CLEC16A: variants seen among roughly 807,000 people sequenced by gnomAD.
CLEC16A encodes the protein C-type lectin domain containing 16A.
In CLEC16A, 51 loss-of-function variants were observed where a neutral mutation model predicts 109.5. The ratio of observed to expected loss-of-function variants is 0.47; its 90% CI spans 0.37 to 0.59. The LOEUF is 0.59. Among genes scored for constraint, CLEC16A ranks in the 20% least tolerant of loss-of-function variants. The pLI is 0.00. For synonymous variants in CLEC16A, 673 were observed against 564.2 expected (o/e 1.19, Z -2.73); for missense variants, 1,339 against 1,394.0 (o/e 0.96, Z 0.63).
chr16:11,075,400 GTGTGTGTGTGTCTGTGTGTGTGTGTGTA>G (rs1197806031), intron 19 of CLEC16A, among the ~76,000 whole-genome samples: 1 of 136,168 alleles, frequency 7.3e-6, no homozygotes, highest in Non-Finnish European at 1.6e-5. Flanking sequence ...GTGTGTGTGT[GTGTGTGTGTGTCTGTGTGTGTGTGTGTA>G]TGTGTGTGTG....
chr16:10,974,788 G>GA (rs1440153335), intron 7 of CLEC16A, among the ~76,000 whole-genome samples: 1 of 152,214 alleles, frequency 6.6e-6, no homozygotes, highest in African/African-American at 2.4e-5. Context: ...CTTAACTATA[G>GA]AAAGAACAAA....
intron 18 of CLEC16A, among the ~76,000 whole-genome samples, chr16:11,055,114 C>G (rs541338852): frequency 1.3e-5 from 2 of 152,296 alleles, no homozygotes; most frequent in East Asian, 1.9e-4. Context: ...GTGCCAAATA[C>G]TGTGTTAGCC....
intron 10 of CLEC16A, among the ~76,000 whole-genome samples, chr16:10,992,039 G>T (rs2044047802): frequency 6.6e-6 from 1 of 152,194 alleles, no homozygotes; most frequent in Non-Finnish European, 1.5e-5. Context: ...GCCTGAAATT[G>T]ATTGCCTGCT....
intron 19 of CLEC16A, among the ~76,000 whole-genome samples, chr16:11,113,447 C>T (rs908605828): frequency 3.3e-5 from 5 of 152,166 alleles, no homozygotes; most frequent in African/African-American, 9.7e-5. Context: ...ATCCCTTGAG[C>T]CAGCAGTTCG....
Position 11,106,004 on chromosome 16 carries a change from G to T in CLEC16A, c.2117-14611G>T, listed in dbSNP as rs149735621. Among the ~76,000 whole-genome samples, 1,241 of 152,144 alleles carry T rather than the reference G, an allele frequency of 8.2e-3. 20 individuals carry two copies. Among genetic ancestry groups the T allele is most frequent in the African/African-American group, 0.028 (1,181 of 41,510 alleles). On this transcript the variant is annotated intron_variant, in intron 19 of 23. Coordinates refer to ENST00000409790, the MANE Select transcript of CLEC16A (RefSeq NM_015226.3). The stretch of plus-strand genomic sequence containing the variant: ...ATTCAAATCCTTGCTATTCAACTTG[G>T]GAACAAAATGGATCTTCACAATGAT...
chr16:11,044,096 C>T, intron 16 of CLEC16A, 24 bp downstream of exon 16: 1 of 1,597,038 alleles, frequency 6.3e-7, no homozygotes. Flanking sequence ...CACAGATGGA[C>T]AGCAGCATGG....
At position 10,956,436 on chromosome 16, in the gene CLEC16A, C is replaced by G. The variant is rs796438744; in HGVS notation, c.81-1346C>G. Among the ~76,000 whole-genome samples the G allele has an allele frequency of 3.9e-5, 6 of 152,250 alleles. No individual in the cohort carries two copies. In the South Asian group the frequency reaches 8.3e-4, roughly 21 times the overall value. On this transcript the variant is annotated intron_variant, in intron 1 of 23. Transcript: ENST00000409790. ...TCCTTGCTCTCACCAGACCCCCAGCCCTGAAAACTGAAGTTAGCCATAAAA... is the reference window on the plus strand; with the variant it reads ...TCCTTGCTCTCACCAGACCCCCAGCGCTGAAAACTGAAGTTAGCCATAAAA...
intron 23 of CLEC16A, among the ~76,000 whole-genome samples, chr16:11,167,267 G>A (rs926061613): frequency 6.6e-6 from 1 of 152,170 alleles, no homozygotes; most frequent in Non-Finnish European, 1.5e-5. Flanking sequence ...AGCATCCATG[G>A]CCTTGAGCCA....
chr16:11,172,182 A>T (rs1332616859), intron 23 of CLEC16A, among the ~76,000 whole-genome samples: 2 of 152,176 alleles, frequency 1.3e-5, no homozygotes, highest in African/African-American at 4.8e-5. Context: ...ATACAAATGG[A>T]CTTACATAGT....
chr16:10,975,147 A>G (rs1055924474), intron 7 of CLEC16A, among the ~76,000 whole-genome samples: 4 of 152,114 alleles, frequency 2.6e-5, no homozygotes, highest in Non-Finnish European at 5.9e-5. Flanking sequence ...GTTGAAGACC[A>G]GCCTGGCCCC....
chr16:11,098,660 C>T (rs771744010), intron 19 of CLEC16A, among the ~76,000 whole-genome samples: 6 of 152,232 alleles, frequency 3.9e-5, no homozygotes, highest in Non-Finnish European at 7.3e-5. Flanking sequence ...GTCCCAGTAC[C>T]GGGTGCCCCA....
chr16:11,169,399 A>C (rs1301150769), intron 23 of CLEC16A, among the ~76,000 whole-genome samples: 1 of 152,022 alleles, frequency 6.6e-6, no homozygotes, highest in African/African-American at 2.4e-5. Flanking sequence ...CAATTCTCTC[A>C]CCTCAGCCTC....
intron 19 of CLEC16A, among the ~76,000 whole-genome samples, chr16:11,073,490 A>T (rs896006556): frequency 2.6e-5 from 4 of 151,920 alleles, no homozygotes; most frequent in Admixed American, 2.0e-4. Flanking sequence ...TGCTTCATCC[A>T]TCCTGATGCC....
At position 11,155,288 on chromosome 16, in the gene CLEC16A, G is replaced by C. The variant is rs1347068136; in HGVS notation, c.2642-11100G>C. ...CTGTAAGGTGTGGTGGTGTCACTCT[G>C]CTTTAGAGTGACAACAGTGCTTTAG... On this transcript the variant is annotated intron_variant, in intron 22 of 23. Coordinates refer to ENST00000409790, the MANE Select transcript of CLEC16A (RefSeq NM_015226.3). 2.6e-5 allele frequency among the ~76,000 whole-genome samples: 4 copies of C among 152,334 alleles called. No homozygotes were observed. The East Asian group carries it at 7.7e-4, about 29-fold the overall frequency.
chr16:11,069,522 A>C (rs1164339540), intron 19 of CLEC16A, among the ~76,000 whole-genome samples: 1 of 151,598 alleles, frequency 6.6e-6, no homozygotes, highest in Non-Finnish European at 1.5e-5. Context: ...GCCGCCTCCA[A>C]CTCCCAGGCT....
intron 23 of CLEC16A, among the ~76,000 whole-genome samples, chr16:11,172,152 A>T (rs1002087706): frequency 1.3e-5 from 2 of 152,204 alleles, no homozygotes; most frequent in Admixed American, 1.3e-4. Flanking sequence ...GCCACTGCAC[A>T]TGCTCACACA....
At chr16:10,996,379 G>A (rs1445219164) in intron 10 of CLEC16A, among the ~76,000 whole-genome samples, 1 of 152,176 alleles carries the variant, frequency 6.6e-6, no homozygotes, top group African/African-American at 2.4e-5. Context: ...GGGTCCAAGG[G>A]TACCACCACT....
chr16:11,132,181 TTCCATCCCC>T (rs1000048394), intron 22 of CLEC16A, among the ~76,000 whole-genome samples: 17 of 151,888 alleles, frequency 1.1e-4, no homozygotes, highest in Non-Finnish European at 2.4e-4. Context: ...TCCAAAACAT[TTCCATCCCC>T]TCAAAAGAAA....
chr16:10,978,584 T>A (rs2043147293), intron 8 of CLEC16A, among the ~76,000 whole-genome samples: 1 of 152,234 alleles, frequency 6.6e-6, no homozygotes, highest in Admixed American at 6.5e-5. Flanking sequence ...GACTGAGGCT[T>A]TGAGCCGGAG....
Sources: allele counts gnomAD v4.1 joint callset (sites outside exome capture counted in the v4.1 genomes callset), GRCh38; gene constraint gnomAD v4.1.1; transcripts MANE v1.5; gene names NCBI Gene and HGNC (gene_info 2026-07-23, HGNC 2026-07-21).